MKLN1: variants seen among roughly 807,000 people sequenced by gnomAD.
MKLN1 encodes the protein muskelin.
A neutral mutation model predicts 99.0 loss-of-function variants in MKLN1; 18 were observed. The observed-to-expected ratio is 0.18, with a 90% CI of 0.13 to 0.27. The LOEUF is 0.27. Among genes scored for constraint, MKLN1 ranks in the 10% least tolerant of loss-of-function variants. The pLI is 1.00. For missense variants in MKLN1, 621 were observed against 875.9 expected (o/e 0.71, Z 3.67); for synonymous variants, 288 against 293.2 (o/e 0.98, Z 0.18).
chr7:131,321,261 T>A (rs566591132), intron 3 of MKLN1, among the ~76,000 whole-genome samples: 1 of 148,472 alleles, frequency 6.7e-6, no homozygotes, highest in East Asian at 2.0e-4. Context: ...AAAAAAAGAG[T>A]TCATGTCCTT....
At chr7:131,283,547 A>C (rs1584889851) in intron 3 of MKLN1, among the ~76,000 whole-genome samples, 3 of 145,524 alleles carry the variant, frequency 2.1e-5, no homozygotes, top group African/African-American at 5.1e-5. Flanking sequence ...TGATCCTCCC[A>C]CCTCAGCCTC....
At chr7:131,436,828 T>C (rs550121159) in intron 9 of MKLN1, among the ~76,000 whole-genome samples, 2 of 152,344 alleles carry the variant, frequency 1.3e-5, no homozygotes, top group South Asian at 4.1e-4. Context: ...TGATACCAGC[T>C]AATTAATTTA....
chr7:131,448,249 A>T (rs1796074840), intron 12 of MKLN1, among the ~76,000 whole-genome samples: 1 of 152,160 alleles, frequency 6.6e-6, no homozygotes, highest in South Asian at 2.1e-4. Flanking sequence ...AAAAGTGGCA[A>T]TGCGTGATAG....
Position 131,264,285 on chromosome 7 carries a change from C to A in MKLN1, c.-179+61311C>A, listed in dbSNP as rs1169050442. ...ACTCCTCCCCTAACTTCAGACAAAT[C>A]ACTTTAGATTACCGAATAAAAAATT... is the stretch of plus-strand genomic sequence containing the variant. On this transcript the variant is annotated intron_variant, in intron 3 of 7. Coordinates refer to the MKLN1 transcript ENST00000416992. 6.6e-5 allele frequency among the ~76,000 whole-genome samples: 10 copies of A among 152,278 alleles called. No homozygotes were observed. The East Asian group carries it at 1.9e-3, about 29-fold the overall frequency.
intron 3 of MKLN1, among the ~76,000 whole-genome samples, chr7:131,224,000 G>A (rs1047546752): frequency 2.0e-5 from 3 of 151,986 alleles, no homozygotes; most frequent in East Asian, 3.9e-4. Flanking sequence ...TCCTGACCTC[G>A]TGATCTGCCC....
chr7:131,479,543 T>C (rs1184334903), intron 17 of MKLN1, among the ~76,000 whole-genome samples: 3 of 145,846 alleles, frequency 2.1e-5, no homozygotes, highest in African/African-American at 7.7e-5. Flanking sequence ...AAATAAAAAA[T>C]AGGCCGGGCG....
chr7:131,139,741 C>T (rs1795703635), intron 1 of MKLN1, among the ~76,000 whole-genome samples: 2 of 152,160 alleles, frequency 1.3e-5, no homozygotes, highest in Non-Finnish European at 2.9e-5. Flanking sequence ...GGGCCATGGA[C>T]CAGGAAGTCT....
At chr7:131,228,930 A>C (rs1797198564) in intron 3 of MKLN1, among the ~76,000 whole-genome samples, 1 of 152,240 alleles carries the variant, frequency 6.6e-6, no homozygotes, top group Admixed American at 6.5e-5. Context: ...AGCCAGTAGA[A>C]GTGACTGTAG....
chr7:131,399,746 C>T (rs1292340210), intron 6 of MKLN1, among the ~76,000 whole-genome samples: 2 of 151,930 alleles, frequency 1.3e-5, no homozygotes, highest in African/African-American at 4.8e-5. Context: ...TATTGGTAGC[C>T]AATATTCATT....
chr7:131,262,491 A>T lies in MKLN1; in HGVS notation c.-179+59517A>T, dbSNP rs1313191624. Among the ~76,000 whole-genome samples, 4 of 152,152 alleles carry T rather than the reference A, an allele frequency of 2.6e-5. No homozygotes were observed. The East Asian group carries it at 7.8e-4, about 30-fold the overall frequency. On this transcript the variant is annotated intron_variant, in intron 3 of 7. Transcript: ENST00000416992. ...TACCCCCTCCTCCAAAATGTCTTTA[A>T]TTCTGGTTAATTCAAACAAGATCCA... is the stretch of plus-strand genomic sequence containing the variant.
At chr7:131,339,244 C>T (rs141614723) in intron 1 of MKLN1, among the ~76,000 whole-genome samples, 4 of 152,294 alleles carry the variant, frequency 2.6e-5, no homozygotes, top group Non-Finnish European at 4.4e-5. Context: ...CTGACTGTAA[C>T]ATGATTTGTT....
In MKLN1 at chr7:131,131,193, T is replaced by TTAAATAAATAAATATA. The variant is rs1554526652; in HGVS notation, c.-418-11613_-418-11612insTATAAATAAATAAATA. On this transcript the variant is annotated intron_variant, in intron 1 of 7. Transcript: ENST00000416992. ...AAATATAGTGAGACCTCACCTCTAC[T>TTAAATAAATAAATATA]TAAATAAATAAATAAATAAATAAAT... Among the ~76,000 whole-genome samples, 8 of 136,130 alleles carry TTAAATAAATAAATATA rather than the reference T, an allele frequency of 5.9e-5. No homozygotes were observed. In the East Asian group the frequency reaches 1.7e-3, roughly 29 times the overall value. The allele number at this position is 136,130 out of a possible 152,430, so 89.3% of individuals were successfully genotyped here.
intron 4 of MKLN1, among the ~76,000 whole-genome samples, chr7:131,396,287 G>A (rs1794358166): frequency 6.6e-6 from 1 of 152,070 alleles, no homozygotes; most frequent in Non-Finnish European, 1.5e-5. Context: ...TTGCCAGGCT[G>A]GTTTTGAATT....
chr7:131,350,295 A>G (rs530208154), intron 1 of MKLN1, among the ~76,000 whole-genome samples: 1 of 151,250 alleles, frequency 6.6e-6, no homozygotes, highest in African/African-American at 2.4e-5. Context: ...TCCTGGGCTC[A>G]AGCACTCCTT....
At chr7:131,119,682 G>A (rs1294954760) in intron 1 of MKLN1, among the ~76,000 whole-genome samples, 3 of 152,112 alleles carry the variant, frequency 2.0e-5, no homozygotes, top group Non-Finnish European at 4.4e-5. Context: ...TGCCTTCTGT[G>A]CACCCACAGG....
At chr7:131,178,153 G>T (rs1265002782) in intron 2 of MKLN1, among the ~76,000 whole-genome samples, 2 of 152,054 alleles carry the variant, frequency 1.3e-5, no homozygotes, top group African/African-American at 2.4e-5. Context: ...TTTCGCTTTT[G>T]TCACCCAGGC....
chr7:131,321,268 C>T (rs1439343865), intron 3 of MKLN1, among the ~76,000 whole-genome samples: 1 of 152,066 alleles, frequency 6.6e-6, no homozygotes, highest in Non-Finnish European at 1.5e-5. Flanking sequence ...GAGTTCATGT[C>T]CTTTCCAGGG....
At chr7:131,292,301 T>G (rs1200316278) in intron 3 of MKLN1, among the ~76,000 whole-genome samples, 1 of 152,100 alleles carries the variant, frequency 6.6e-6, no homozygotes, top group Non-Finnish European at 1.5e-5. Context: ...CTAATAAATG[T>G]TGAGAAAATG....
At chr7:131,160,965 T>A (rs1233452209) in intron 2 of MKLN1, among the ~76,000 whole-genome samples, 1 of 152,196 alleles carries the variant, frequency 6.6e-6, no homozygotes, top group Non-Finnish European at 1.5e-5. Context: ...TATGATGGTG[T>A]CTCCTTCTTG....
Sources: gnomAD v4.1 joint callset for allele counts (sites outside exome capture counted in the v4.1 genomes callset) on GRCh38, gnomAD v4.1.1 for gene constraint, MANE v1.5 for transcripts, NCBI Gene and HGNC (gene_info 2026-07-23, HGNC 2026-07-21) for gene names.